The following BRCA1 variants were observed in gnomAD, a reference collection of about 807,000 sequenced individuals.
BRCA1 encodes the protein breast cancer type 1 susceptibility protein.
Under a neutral mutation model 173.7 loss-of-function variants are expected in BRCA1, and 140 were observed. The observed-to-expected ratio is 0.81, with a 90% CI of 0.70 to 0.93. The LOEUF is 0.93. Among genes scored for constraint, BRCA1 ranks in the 40% least tolerant of loss-of-function variants. The probability of loss-of-function intolerance (pLI) is 0.00; values close to 1 mark genes in which losing one functional copy is unlikely to be tolerated. For missense variants in BRCA1, 1,983 were observed against 2,172.5 expected, an observed-to-expected ratio of 0.91 and a Z score of 1.73; for synonymous variants, 662 against 756.0, an observed-to-expected ratio of 0.88 and a Z score of 2.04.
chr17:43,168,412 C>T (rs1243766267), intron 1 of BRCA1, among the ~76,000 whole-genome samples: 2 of 152,164 alleles, frequency 1.3e-5, no homozygotes, highest in Non-Finnish European at 1.5e-5. Context: ...CCGAGGCGGG[C>T]GGATGACCTG....
Position 43,120,293 on chromosome 17 carries a change from G to C in BRCA1, c.80+3724C>G, listed in dbSNP as rs116806238. 3.5e-3 allele frequency among the ~76,000 whole-genome samples: 532 copies of C among 152,308 alleles called. 2 individuals are homozygous for C. The highest frequency in any genetic ancestry group is 0.012 in the African/African-American group (496 of 41,574). On this transcript the variant is annotated intron_variant, in intron 2 of 22. Transcript: ENST00000357654. The stretch of plus-strand genomic sequence containing the variant: ...TTTTAGTTCAAGAAACCTAAAACAG[G>C]CTGAAAACCTTACCTACCCTATAGC...
intron 6 of BRCA1, among the ~76,000 whole-genome samples, chr17:43,101,471 A>G (rs1296726694): frequency 6.6e-6 from 1 of 152,142 alleles, no homozygotes; most frequent in Non-Finnish European, 1.5e-5. Context: ...CTGGGATTAC[A>G]GGCAAGAGCC....
intron 7 of BRCA1, among the ~76,000 whole-genome samples, chr17:43,099,076 G>T (rs2054259037): frequency 6.6e-6 from 1 of 151,094 alleles, no homozygotes; most frequent in Admixed American, 6.6e-5. Context: ...GCCCACCTCG[G>T]CCTCCCAAAG....
At position 43,094,862 on chromosome 17, in the gene BRCA1, T is replaced by A. The variant is rs80358108; in HGVS notation, c.671-2A>T. ...CCGTCTCAGAAAATTCACAAGCAGC[T>A]GAAAATATACAAAAATAACAAGGTA... On this transcript the variant is annotated splice_acceptor_variant, in intron 9 of 22. Coordinates refer to ENST00000357654, the MANE Select transcript of BRCA1 (RefSeq NM_007294.4). LOFTEE classifies it high-confidence loss of function. 6.2e-7 allele frequency: 1 copy of A among 1,606,808 alleles called. No homozygotes were observed. The highest frequency in any genetic ancestry group is 8.5e-7 in the Non-Finnish European group (1 of 1,175,976).
intron 6 of BRCA1, among the ~76,000 whole-genome samples, chr17:43,101,032 A>G (rs1197409302): frequency 1.3e-5 from 2 of 150,642 alleles, no homozygotes; most frequent in Non-Finnish European, 3.0e-5. Flanking sequence ...TGCCTGGCCA[A>G]TAACATTTTT....
intron 3 of BRCA1, among the ~76,000 whole-genome samples, chr17:43,108,087 G>C (rs2049490768): frequency 6.6e-6 from 1 of 152,102 alleles, no homozygotes; most frequent in African/African-American, 2.4e-5. Flanking sequence ...GTCCACACCT[G>C]TAATCCCAGC....
rs876660702 is a variant in BRCA1, at chr17:43,063,333, C to T, written c.5193G>A (p.Glu1731=). 1 of 1,608,146 alleles carries T rather than the reference C, an allele frequency of 6.2e-7. No individual in the cohort carries two copies. The highest frequency in any genetic ancestry group is 8.5e-7 in the Non-Finnish European group (1 of 1,174,650). Residue 1731 remains glutamate (E), a splice_region_variant and synonymous_variant, in exon 18 of 23, where the codon GAG becomes GAA. Coordinates refer to ENST00000357654, the MANE Select transcript of BRCA1 (RefSeq NM_007294.4). ...TTAGTTTGTAACATCAAGTACTTAC[C>T]TCATTCAGCATTTTTCTTTCTTTAA... ...QSIKERKMLN[E]HDFEVRGDVV...
intron 15 of BRCA1, among the ~76,000 whole-genome samples, chr17:43,068,104 T>C (rs1176401709): frequency 5.9e-5 from 9 of 151,366 alleles, no homozygotes; most frequent in African/African-American, 1.9e-4. Flanking sequence ...GGTGAAACCC[T>C]GTCTCTACTA....
At chr17:43,126,168 G>A (rs955000043), upstream of BRCA1, among the ~76,000 whole-genome samples, 1 of 152,224 alleles carries the variant, frequency 6.6e-6, no homozygotes, top group African/African-American at 2.4e-5. Context: ...AATGCGCTCT[G>A]GCCCATGTCT....
At chr17:43,123,445 G>A (rs1462080259) in intron 2 of BRCA1, among the ~76,000 whole-genome samples, 1 of 147,890 alleles carries the variant, frequency 6.8e-6, no homozygotes, top group Non-Finnish European at 1.5e-5. Context: ...CTGCCTCCTG[G>A]TTCAAGTGAT....
chr17:43,091,222 G>C (rs1011199488), intron 10 of BRCA1, 190 bp from the exon 11 acceptor site: 2 of 849,118 alleles, frequency 2.4e-6, no homozygotes, highest in Non-Finnish European at 3.8e-6. Flanking sequence ...CCAGTAATTA[G>C]GATGTTAAAG....
In BRCA1 at chr17:43,067,657, A is replaced by G. The variant is rs876658226; in HGVS notation, c.5025T>C (p.Thr1675=). The change falls in exon 16 of 23, where the codon ACT becomes ACC. Residue 1675 remains threonine, a synonymous_variant. Transcript: ENST00000357654. ...VYKFARKHHI[T]LTNLITEETT... ...TCTCTTCAGTAATTAGATTAGTTAA[A>G]GTGATGTGGTGTTTTCTGGCAAACT... 2 of 1,613,608 alleles carry G rather than the reference A, an allele frequency of 1.2e-6. No homozygotes were observed. The highest frequency in any genetic ancestry group is 2.2e-5 in the East Asian group (1 of 44,880).
At chr17:43,115,135 C>T (rs1262713566) in intron 3 of BRCA1, among the ~76,000 whole-genome samples, 1 of 152,122 alleles carries the variant, frequency 6.6e-6, no homozygotes, top group Non-Finnish European at 1.5e-5. Context: ...TATTTCAAAA[C>T]TGCTTGCAGT....
chr17:43,151,486 AAAAAAC>A (rs924906995), intron 1 of BRCA1, among the ~76,000 whole-genome samples: 6 of 152,236 alleles, frequency 3.9e-5, no homozygotes, highest in South Asian at 2.1e-4. Context: ...TCTGTCTCAA[AAAAAAC>A]AAAAACAAAA....
chr17:43,066,020 C>T (rs754006900), intron 16 of BRCA1, among the ~76,000 whole-genome samples: 10 of 152,296 alleles, frequency 6.6e-5, no homozygotes, highest in Middle Eastern at 6.8e-3. Flanking sequence ...AAACCAAGCA[C>T]GGTGCTTAAA....
At chr17:43,058,920 C>T (rs944518394) in intron 18 of BRCA1, among the ~76,000 whole-genome samples, 1 of 152,130 alleles carries the variant, frequency 6.6e-6, no homozygotes, top group Non-Finnish European at 1.5e-5. Flanking sequence ...CTGACTGAAA[C>T]TCAGATTGTA....
intron 18 of BRCA1, among the ~76,000 whole-genome samples, chr17:43,061,736 C>A (rs983721302): frequency 1.3e-5 from 2 of 152,036 alleles, no homozygotes; most frequent in Non-Finnish European, 2.9e-5. Context: ...GCACATGCCA[C>A]CACGCTCGAC....
At chr17:43,144,692 T>C (rs188079126) in intron 1 of BRCA1, 132 of 192,010 alleles carry the variant, frequency 6.9e-4, no homozygotes, top group Admixed American at 8.7e-4. Flanking sequence ...ATGGCTAGAA[T>C]TAGTTATATA....
At chr17:43,143,361 G>T (rs2056093355) in intron 1 of BRCA1, among the ~76,000 whole-genome samples, 1 of 152,094 alleles carries the variant, frequency 6.6e-6, no homozygotes, top group Non-Finnish European at 1.5e-5. Context: ...CTAAAGAACA[G>T]GTGTCTTTTG....
Sources: allele counts gnomAD v4.1 joint callset (sites outside exome capture counted in the v4.1 genomes callset), GRCh38; gene constraint gnomAD v4.1.1; transcripts MANE v1.5; gene names NCBI Gene and HGNC (gene_info 2026-07-23, HGNC 2026-07-21).